SYNPR: variants seen among roughly 807,000 people sequenced by gnomAD.
The protein encoded by SYNPR is synaptoporin.
Under a neutral mutation model 32.9 loss-of-function variants are expected in SYNPR, and 23 were observed. The observed-to-expected ratio is 0.70, with a 90% CI of 0.50 to 0.99. SYNPR has a LOEUF of 0.99. Ranked by LOEUF, SYNPR falls within the 50% of genes least tolerant of loss-of-function variation. SYNPR has a pLI of 0.00. For synonymous variants in SYNPR, 146 were observed against 135.9 expected (o/e 1.07, Z -0.52); for missense variants, 318 against 349.3 (o/e 0.91, Z 0.71).
At position 63,494,541 on chromosome 3, in the gene SYNPR, GATC is replaced by G. The variant is rs199841823; in HGVS notation, c.209+13598_209+13600del. Among the ~76,000 whole-genome samples, 1,341 of 143,586 alleles carry G rather than the reference GATC, an allele frequency of 9.3e-3. 22 individuals are homozygous for G. Among genetic ancestry groups the G allele is most frequent in the African/African-American group, 0.033 (1,251 of 38,312 alleles). The allele number at this position is 143,586 out of a possible 152,430, so 94.2% of individuals were successfully genotyped here. A position where few individuals can be genotyped will look rare whatever the true frequency, so the allele number is the denominator to read the frequency against. On this transcript the variant is annotated intron_variant, in intron 3 of 5. Coordinates refer to ENST00000478300, the MANE Select transcript of SYNPR (RefSeq NM_001130003.2). ...TATATACATATATATATATGGCAAA[GATC>G]ATCATCATCATCGTTGTCATCGATA...
intron 2 of SYNPR, among the ~76,000 whole-genome samples, chr3:63,421,146 T>C (rs1025364062): frequency 6.6e-6 from 1 of 152,134 alleles, no homozygotes; most frequent in Admixed American, 6.5e-5. Context: ...GCCTCCGAAA[T>C]TGCCGGGATT....
At chr3:63,553,822 A>T (rs1702547280) in intron 3 of SYNPR, among the ~76,000 whole-genome samples, 1 of 152,136 alleles carries the variant, frequency 6.6e-6, no homozygotes, top group South Asian at 2.1e-4. Context: ...CCTAGGTTCA[A>T]GTGATTCTCC....
chr3:63,565,691 C>G (rs891008626), intron 4 of SYNPR, among the ~76,000 whole-genome samples: 64 of 152,276 alleles, frequency 4.2e-4, no homozygotes, highest in African/African-American at 1.5e-3. Flanking sequence ...TGTGAGGACA[C>G]AGCATTCCTC....
chr3:63,440,891 C>T (rs148114399), intron 2 of SYNPR, among the ~76,000 whole-genome samples: 18 of 152,218 alleles, frequency 1.2e-4, no homozygotes, highest in African/African-American at 4.1e-4. Context: ...TTCATGGGCT[C>T]TTTCTACACC....
chr3:63,357,748 A>C (rs1037551431), intron 2 of SYNPR, among the ~76,000 whole-genome samples: 1 of 152,204 alleles, frequency 6.6e-6, no homozygotes, highest in Non-Finnish European at 1.5e-5. Context: ...CCTAAAATTC[A>C]GATTCAATTA....
At chr3:63,586,631 T>C (rs1253023259) in intron 4 of SYNPR, among the ~76,000 whole-genome samples, 2 of 150,952 alleles carry the variant, frequency 1.3e-5, no homozygotes, top group Admixed American at 6.6e-5. Flanking sequence ...GTAAAATGTC[T>C]TCCCTTTCTT....
intron 3 of SYNPR, among the ~76,000 whole-genome samples, chr3:63,532,306 T>A (rs1158317299): frequency 6.6e-6 from 1 of 152,200 alleles, no homozygotes; most frequent in East Asian, 1.9e-4. Flanking sequence ...ATAACAGTTC[T>A]TCCTAATGTC....
At chr3:63,327,675 C>A (rs1425287121) in intron 2 of SYNPR, among the ~76,000 whole-genome samples, 1 of 152,162 alleles carries the variant, frequency 6.6e-6, no homozygotes, top group South Asian at 2.1e-4. Context: ...GCAAAAGAAA[C>A]TAGATACAAA....
intron 2 of SYNPR, among the ~76,000 whole-genome samples, chr3:63,294,692 T>C (rs537044739): frequency 6.6e-6 from 1 of 152,334 alleles, no homozygotes; most frequent in South Asian, 2.1e-4. Context: ...TTTTAGAATG[T>C]CAAAGGTAAT....
At chr3:63,510,305 G>T (rs1368681363) in intron 3 of SYNPR, among the ~76,000 whole-genome samples, 1 of 152,108 alleles carries the variant, frequency 6.6e-6, no homozygotes, top group African/African-American at 2.4e-5. Context: ...TCAACAGATG[G>T]TTTTGAATGG....
At chr3:63,453,901 G>A (rs1193025540) in intron 2 of SYNPR, among the ~76,000 whole-genome samples, 1 of 152,104 alleles carries the variant, frequency 6.6e-6, no homozygotes, top group African/African-American at 2.4e-5. Flanking sequence ...TCAACATAAA[G>A]AGATTTCACA....
chr3:63,550,896 C>A (rs1299747710), intron 3 of SYNPR, among the ~76,000 whole-genome samples: 1 of 152,234 alleles, frequency 6.6e-6, no homozygotes, highest in Non-Finnish European at 1.5e-5. Flanking sequence ...TTTTCCACCC[C>A]ATCCTGCACC....
At chr3:63,585,642 C>T (rs975011550) in intron 4 of SYNPR, among the ~76,000 whole-genome samples, 1 of 151,992 alleles carries the variant, frequency 6.6e-6, no homozygotes, top group African/African-American at 2.4e-5. Flanking sequence ...AATCTTTTAT[C>T]TGGAATAATT....
intron 2 of SYNPR, among the ~76,000 whole-genome samples, chr3:63,432,949 C>T (rs6764433): frequency 0.011 from 1,687 of 152,296 alleles, 34 homozygotes; most frequent in African/African-American, 0.038. Context: ...GTACTCTACC[C>T]TCCTGGCTTC....
intron 3 of SYNPR, among the ~76,000 whole-genome samples, chr3:63,539,951 G>T (rs1702270249): frequency 6.6e-6 from 1 of 152,112 alleles, no homozygotes; most frequent in African/African-American, 2.4e-5. Context: ...CACACTTCCA[G>T]CTGTGCCTGC....
chr3:63,345,632 C>T (rs971835129), intron 2 of SYNPR, among the ~76,000 whole-genome samples: 3 of 152,218 alleles, frequency 2.0e-5, no homozygotes, highest in South Asian at 2.1e-4. Context: ...CTGCTGGTCT[C>T]GCATTGGCTG....
chr3:63,325,943 T>C (rs2087161649), intron 2 of SYNPR, among the ~76,000 whole-genome samples: 1 of 151,916 alleles, frequency 6.6e-6, no homozygotes, highest in Non-Finnish European at 1.5e-5. Flanking sequence ...ATTCATTCTG[T>C]CTCCACATCC....
chr3:63,508,905 A>G (rs972714077), intron 3 of SYNPR, among the ~76,000 whole-genome samples: 3 of 152,142 alleles, frequency 2.0e-5, no homozygotes, highest in Non-Finnish European at 2.9e-5. Flanking sequence ...ATTTCAAAAG[A>G]ACCTTGTCTC....
rs116130228 is a variant in SYNPR, at chr3:63,498,398, G to A, written c.209+17442G>A. ...GGGCCTTCTCATGGAGCTTCATGTTGTAGTGGGAGGAAGGAAGGGAGAAAA... is the reference window on the plus strand; with the variant it reads ...GGGCCTTCTCATGGAGCTTCATGTTATAGTGGGAGGAAGGAAGGGAGAAAA... On this transcript the variant is annotated intron_variant, in intron 3 of 5. Coordinates refer to ENST00000478300, the MANE Select transcript of SYNPR (RefSeq NM_001130003.2). Among the ~76,000 whole-genome samples the A allele has an allele frequency of 9.7e-3, 1,484 of 152,222 alleles. 19 individuals carry two copies. Among genetic ancestry groups the A allele is most frequent in the African/African-American group, 0.033 (1,356 of 41,550 alleles).
Sources: gnomAD v4.1 joint callset for allele counts (sites outside exome capture counted in the v4.1 genomes callset) on GRCh38, gnomAD v4.1.1 for gene constraint, MANE v1.5 for transcripts, NCBI Gene and HGNC (gene_info 2026-07-23, HGNC 2026-07-21) for gene names.